TSPAN15: variants seen among roughly 807,000 people sequenced by gnomAD.
TSPAN15 encodes tetraspanin-15.
TSPAN15 carries 20 observed loss-of-function variants against 34.5 expected under a neutral mutation model. The observed-to-expected ratio is 0.58, with a 90% CI of 0.41 to 0.84. The LOEUF (loss-of-function observed/expected upper bound fraction) is 0.84. TSPAN15 is among the 40% of genes least tolerant of loss of function. The probability of loss-of-function intolerance (pLI) is 0.00; values close to 1 mark genes in which losing one functional copy is unlikely to be tolerated. For synonymous variants in TSPAN15, 155 were observed against 153.9 expected (o/e 1.01, Z -0.05); for missense variants, 313 against 386.1 (o/e 0.81, Z 1.59).
chr10:69,499,714 AAAAG>A (rs1186764344), intron 5 of TSPAN15, among the ~76,000 whole-genome samples: 3 of 152,238 alleles, frequency 2.0e-5, no homozygotes, highest in Non-Finnish European at 4.4e-5. Context: ...GCTGAGTAGA[AAAAG>A]AAAGTAGGGC....
chr10:69,533,995 A>C, the TSPAN15 span, among the ~76,000 whole-genome samples: 1 of 152,212 alleles, frequency 6.6e-6, no homozygotes, highest in Admixed American at 6.5e-5. Context: ...GAGGAAAAAC[A>C]GTTTGTGTTT....
intron 3 of TSPAN15, chr10:69,494,999 G>A (rs1425572440): frequency 2.2e-5 from 10 of 453,090 alleles, no homozygotes; most frequent in South Asian, 9.2e-5. Flanking sequence ...GAGGGGGACC[G>A]AGTGCTGCAG....
the TSPAN15 span, among the ~76,000 whole-genome samples, chr10:69,527,071 C>T: frequency 1.8e-3 from 262 of 147,768 alleles, 13 homozygotes; most frequent in African/African-American, 6.0e-3. Context: ...CAGAAACAAC[C>T]CAAATGTTCA....
At chr10:69,544,865 G>A in the TSPAN15 span, among the ~76,000 whole-genome samples, 5 of 152,144 alleles carry the variant, frequency 3.3e-5, no homozygotes, top group African/African-American at 9.7e-5. Flanking sequence ...ATTAGCATTC[G>A]CTTCCTCTGG....
At chr10:69,508,872 A>G (rs1842386293), downstream of TSPAN15, among the ~76,000 whole-genome samples, 1 of 152,148 alleles carries the variant, frequency 6.6e-6, no homozygotes. Flanking sequence ...CCTCCTGTGC[A>G]CACATGGTAC....
intron 3 of TSPAN15, among the ~76,000 whole-genome samples, chr10:69,486,296 T>C (rs1416372141): frequency 6.6e-6 from 1 of 152,172 alleles, no homozygotes; most frequent in Non-Finnish European, 1.5e-5. Context: ...GAGCAGGACA[T>C]GTTTGCAGAA....
Position 69,507,661 on chromosome 10 carries a change from T to C in TSPAN15, c.*683T>C. On this transcript the variant is annotated 3_prime_UTR_variant, in exon 8 of 8. Transcript: ENST00000373290. ...AAACAATAAAAACATGTTTTTTTTT[T>C]TTTTTTTTTTTTGCCTTTCCTGTGT... The C allele has an allele frequency of 8.3e-7, 1 of 1,206,890 alleles. No homozygotes were observed. The allele number at this position is 1,206,890 out of a possible 1,614,324, so 74.8% of individuals were successfully genotyped here. A position where few individuals can be genotyped will look rare whatever the true frequency, so the allele number is the denominator to read the frequency against.
Position 69,452,533 on chromosome 10 carries a change from T to C in TSPAN15, c.96+843T>C, listed in dbSNP as rs1840995791. On this transcript the variant is annotated intron_variant, in intron 1 of 7. Coordinates refer to ENST00000373290, the MANE Select transcript of TSPAN15 (RefSeq NM_012339.5). Reference sequence around the variant, plus strand: ...GGACACAGTAATTATATTCAACTTGTAGGATGCTCGCGGAGATTACGTGAA... The same window carrying C: ...GGACACAGTAATTATATTCAACTTGCAGGATGCTCGCGGAGATTACGTGAA... 2.0e-5 allele frequency among the ~76,000 whole-genome samples: 3 copies of C among 152,116 alleles called. No individual in the cohort carries two copies. The South Asian group carries it at 6.2e-4, about 31-fold the overall frequency.
intron 1 of TSPAN15, among the ~76,000 whole-genome samples, chr10:69,462,061 G>A (rs1841274364): frequency 6.6e-6 from 1 of 151,496 alleles, no homozygotes; most frequent in African/African-American, 2.4e-5. Flanking sequence ...GCTCACTGTG[G>A]CCTTGACCTC....
At chr10:69,516,356 A>C in the TSPAN15 span, among the ~76,000 whole-genome samples, 2 of 152,236 alleles carry the variant, frequency 1.3e-5, no homozygotes, top group African/African-American at 4.8e-5. Context: ...GTAGCTGAAT[A>C]GGATCAGGGC....
chr10:69,529,556 C>A, the TSPAN15 span, among the ~76,000 whole-genome samples: 1 of 147,656 alleles, frequency 6.8e-6, no homozygotes, highest in African/African-American at 2.5e-5. Flanking sequence ...ATCTCAGGGG[C>A]TTAGCACAAT....
chr10:69,455,148 C>CAAAAAAAA (rs60463263), intron 1 of TSPAN15, among the ~76,000 whole-genome samples: 1 of 82,494 alleles, frequency 1.2e-5, no homozygotes. Context: ...GTGACAGTCT[C>CAAAAAAAA]AAAAAAAAAA....
intron 3 of TSPAN15, among the ~76,000 whole-genome samples, chr10:69,487,941 C>T (rs996734291): frequency 6.6e-6 from 1 of 152,196 alleles, no homozygotes; most frequent in Non-Finnish European, 1.5e-5. Context: ...CAGGAAGGGT[C>T]CTCACTGACG....
intron 5 of TSPAN15, 137 bp downstream of exon 5, chr10:69,498,533 A>G: frequency 1.5e-6 from 1 of 681,366 alleles, no homozygotes; most frequent in South Asian, 1.8e-5. Flanking sequence ...GGCAGAGCGG[A>G]GGCTTTCCTG....
intron 2 of TSPAN15, chr10:69,484,084 TCTTA>T (rs1186348501): frequency 1.2e-5 from 6 of 510,200 alleles, no homozygotes; most frequent in Non-Finnish European, 2.1e-5. Flanking sequence ...TGAATACTGT[TCTTA>T]CTTAAACTCT....
At chr10:69,545,149 CA>C in the TSPAN15 span, among the ~76,000 whole-genome samples, 7 of 152,186 alleles carry the variant, frequency 4.6e-5, no homozygotes, top group African/African-American at 9.7e-5. Flanking sequence ...GTTTAGGCCC[CA>C]AGGATGGCAC....
chr10:69,487,694 G>A (rs942363175), intron 3 of TSPAN15, among the ~76,000 whole-genome samples: 5 of 152,252 alleles, frequency 3.3e-5, no homozygotes, highest in African/African-American at 4.8e-5. Context: ...CCAGTGCCCT[G>A]TAGGTCAACA....
At chr10:69,471,593 C>T (rs1841508109) in intron 1 of TSPAN15, among the ~76,000 whole-genome samples, 1 of 150,714 alleles carries the variant, frequency 6.6e-6, no homozygotes, top group Admixed American at 6.6e-5. Context: ...TCTCCCTCCC[C>T]TCTTCCCTCC....
intron 1 of TSPAN15, among the ~76,000 whole-genome samples, chr10:69,478,019 G>A (rs889092431): frequency 6.6e-6 from 1 of 152,212 alleles, no homozygotes; most frequent in Non-Finnish European, 1.5e-5. Context: ...CAAGCGGGAA[G>A]TGACATGGCC....
Sources: gnomAD v4.1 joint callset for allele counts (sites outside exome capture counted in the v4.1 genomes callset) on GRCh38, gnomAD v4.1.1 for gene constraint, MANE v1.5 for transcripts, NCBI Gene and HGNC (gene_info 2026-07-23, HGNC 2026-07-21) for gene names.